Variants in HYDIN observed in about 807,000 individuals in gnomAD.
The protein encoded by HYDIN is axonemal central pair apparatus protein HYDIN.
HYDIN carries 132 observed loss-of-function variants against 403.9 expected under a neutral mutation model. The ratio of observed to expected loss-of-function variants is 0.33; its 90% CI spans 0.28 to 0.38. The LOEUF is 0.38. Among genes scored for constraint, HYDIN ranks in the 10% least tolerant of loss-of-function variants. The pLI, the probability that HYDIN is intolerant of heterozygous loss-of-function variation, is 1.00. For synonymous variants in HYDIN, 1,202 were observed against 1,891.7 expected, an observed-to-expected ratio of 0.64 and a Z score of 9.46; for missense variants, 2,827 against 5,009.5, an observed-to-expected ratio of 0.56 and a Z score of 13.15.
intron 1 of HYDIN, among the ~76,000 whole-genome samples, chr16:71,212,863 A>G (rs1041320897): frequency 2.4e-4 from 37 of 152,122 alleles, no homozygotes; most frequent in Non-Finnish European, 2.8e-4. Context: ...AACTAGATAA[A>G]TGGGGGAAAA....
At chr16:71,161,257 G>A (rs1430742524) in intron 6 of HYDIN, among the ~76,000 whole-genome samples, 4 of 151,788 alleles carry the variant, frequency 2.6e-5, no homozygotes, top group East Asian at 1.9e-4. Context: ...ATCTAATGCC[G>A]CGGCTGATCT....
At chr16:70,937,479 C>A (rs1183504515) in intron 44 of HYDIN, among the ~76,000 whole-genome samples, 2 of 151,844 alleles carry the variant, frequency 1.3e-5, no homozygotes, top group Non-Finnish European at 2.9e-5. Context: ...ATGATGAAAA[C>A]CTGTCTCTAC....
intron 23 of HYDIN, among the ~76,000 whole-genome samples, chr16:71,006,589 A>C (rs1243575581): frequency 1.3e-5 from 2 of 151,992 alleles, no homozygotes; most frequent in Admixed American, 6.5e-5. Flanking sequence ...TATGATTATC[A>C]CTAAAAATCC....
At chr16:71,051,660 C>CAA (rs1219589325) in intron 18 of HYDIN, among the ~76,000 whole-genome samples, 9 of 90,378 alleles carry the variant, frequency 1.0e-4, no homozygotes, top group African/African-American at 3.0e-4. Flanking sequence ...AAAAAAAAAA[C>CAA]AAAAAAAACA....
intron 1 of HYDIN, among the ~76,000 whole-genome samples, chr16:71,206,873 A>G (rs1020713763): frequency 4.6e-5 from 7 of 152,192 alleles, no homozygotes; most frequent in African/African-American, 1.7e-4. Flanking sequence ...GATAAGAATA[A>G]AGAAAACAGA....
intron 1 of HYDIN, among the ~76,000 whole-genome samples, chr16:71,218,229 A>G (rs979920846): frequency 6.6e-6 from 1 of 152,210 alleles, no homozygotes; most frequent in Admixed American, 6.5e-5. Context: ...TCTAAAACAT[A>G]TTCTATTAAT....
chr16:70,823,966 G>A (rs1251706476), intron 83 of HYDIN, among the ~76,000 whole-genome samples: 1 of 148,538 alleles, frequency 6.7e-6, no homozygotes. Context: ...GATTCGTCAT[G>A]AGTTTTCCTT....
chr16:71,178,430 A>T (rs201464885), intron 4 of HYDIN, among the ~76,000 whole-genome samples: 9,310 of 117,798 alleles, frequency 0.079, 425 homozygotes, highest in South Asian at 0.15. Flanking sequence ...AAAAAAAAAA[A>T]AAAAATATAT....
intron 17 of HYDIN, among the ~76,000 whole-genome samples, 195 bp from the exon 18 acceptor site, chr16:71,060,851 T>TC (rs2082054368): frequency 6.7e-6 from 1 of 148,202 alleles, no homozygotes; most frequent in African/African-American, 2.5e-5. Flanking sequence ...CTGGATTTCC[T>TC]CCCCGGAAAG....
At chr16:70,963,206 T>G (rs1050111694) in intron 37 of HYDIN, among the ~76,000 whole-genome samples, 1 of 152,068 alleles carries the variant, frequency 6.6e-6, no homozygotes, top group Non-Finnish European at 1.5e-5. Context: ...TTCTGATTTT[T>G]TTTTCCCCGG....
At chr16:70,893,479 G>A (rs926904993) in intron 55 of HYDIN, 1 of 152,160 alleles carries the variant, frequency 6.6e-6, no homozygotes, top group Non-Finnish European at 1.5e-5. Flanking sequence ...CCTTGCTGAG[G>A]AGCCTCCCTG....
chr16:70,968,623 G>C (rs367809023), intron 36 of HYDIN, among the ~76,000 whole-genome samples: 5 of 152,048 alleles, frequency 3.3e-5, no homozygotes, highest in Non-Finnish European at 1.5e-5. Context: ...ACCTGCATCT[G>C]GCAGTAAGAA....
chr16:71,007,155 AAC>A (rs1225670717), intron 23 of HYDIN, among the ~76,000 whole-genome samples: 2 of 151,888 alleles, frequency 1.3e-5, no homozygotes, highest in Non-Finnish European at 2.9e-5. Flanking sequence ...TCACAATAAT[AAC>A]AGTGTTTCCT....
At chr16:71,179,307 A>G (rs2086807169) in intron 3 of HYDIN, among the ~76,000 whole-genome samples, 1 of 151,972 alleles carries the variant, frequency 6.6e-6, no homozygotes, top group Non-Finnish European at 1.5e-5. Flanking sequence ...ATCACAAGTC[A>G]GAAGGCAGAG....
rs2035148762 is a variant in HYDIN, at chr16:70,807,289, G to C, written c.*291C>G. The C allele has an allele frequency of 2.9e-6, 1 of 339,952 alleles. No individual in the cohort carries two copies. The highest frequency in any genetic ancestry group is 5.3e-6 in the Non-Finnish European group (1 of 188,324). 21.1% of individuals were successfully genotyped at this position (339,952 alleles called of 1,614,324 possible). On this transcript the variant is annotated 3_prime_UTR_variant, in exon 86 of 86. Coordinates refer to ENST00000393567, the MANE Select transcript of HYDIN (RefSeq NM_001270974.2). ...TACCTGTGCCTTCTTGATAAAAATG[G>C]GAATTATTACAAAGTACTTGAGCTT...
intron 13 of HYDIN, among the ~76,000 whole-genome samples, chr16:71,071,636 C>T (rs2082470320): frequency 6.6e-6 from 1 of 151,688 alleles, no homozygotes; most frequent in African/African-American, 2.4e-5. Flanking sequence ...TTCAATTCTC[C>T]TTCAAGATGC....
intron 76 of HYDIN, among the ~76,000 whole-genome samples, chr16:70,838,723 G>A (rs1228221984): frequency 6.6e-6 from 1 of 151,906 alleles, no homozygotes; most frequent in African/African-American, 2.4e-5. Context: ...GTAAAATGGG[G>A]GTAATGATAA....
intron 47 of HYDIN, among the ~76,000 whole-genome samples, chr16:70,910,332 C>T (rs1165331303): frequency 1.3e-5 from 2 of 152,152 alleles, no homozygotes; most frequent in African/African-American, 2.4e-5. Context: ...TGAGAACATA[C>T]GATGTTTCCC....
At chr16:71,093,782 T>G in intron 11 of HYDIN, 35 bp downstream of exon 11, 1 of 1,603,710 alleles carries the variant, frequency 6.2e-7, no homozygotes, top group South Asian at 1.1e-5. Context: ...AGCCAAGTAC[T>G]GTTTGAAGTA....
Sources: allele counts gnomAD v4.1 joint callset (sites outside exome capture counted in the v4.1 genomes callset), GRCh38; gene constraint gnomAD v4.1.1; transcripts MANE v1.5; gene names NCBI Gene and HGNC (gene_info 2026-07-23, HGNC 2026-07-21).